EML4: variants seen among roughly 807,000 people sequenced by gnomAD.
EML4 encodes echinoderm microtubule-associated protein-like 4.
In EML4, 72 loss-of-function variants were observed where a neutral mutation model predicts 129.0. The observed-to-expected ratio is 0.56, with a 90% confidence interval of 0.46 to 0.68. The LOEUF is 0.68. EML4 is among the 30% of genes least tolerant of loss of function. EML4 has a pLI of 0.00. For synonymous variants in EML4, 532 were observed against 405.0 expected (o/e 1.31, Z -3.77); for missense variants, 1,363 against 1,190.6 (o/e 1.14, Z -2.13).
chr2:42,272,229 C>G (rs1374529729), intron 6 of EML4, among the ~76,000 whole-genome samples: 3 of 152,120 alleles, frequency 2.0e-5, no homozygotes, highest in African/African-American at 7.2e-5. Context: ...TGCGGTTGAT[C>G]AGTGGCATAT....
At chr2:42,277,219 T>C (rs565838817) in intron 6 of EML4, among the ~76,000 whole-genome samples, 2 of 152,326 alleles carry the variant, frequency 1.3e-5, no homozygotes, top group South Asian at 2.1e-4. Context: ...GGATGAGATA[T>C]CTGCCTTCAG....
intron 11 of EML4, 88 bp downstream of exon 11, chr2:42,288,410 T>A: frequency 1.7e-6 from 1 of 594,652 alleles, no homozygotes; most frequent in Non-Finnish European, 2.9e-6. Context: ...TAGAACTATC[T>A]ATTCGTAAGT....
chr2:42,215,271 G>T (rs1295786228), intron 1 of EML4, among the ~76,000 whole-genome samples: 1 of 152,076 alleles, frequency 6.6e-6, no homozygotes, highest in Non-Finnish European at 1.5e-5. Flanking sequence ...TATTGCTCAG[G>T]CTGGTCTTGA....
At chr2:42,225,135 A>G (rs1289135121) in intron 1 of EML4, among the ~76,000 whole-genome samples, 2 of 152,064 alleles carry the variant, frequency 1.3e-5, no homozygotes, top group East Asian at 3.9e-4. Flanking sequence ...TATATGCCAC[A>G]TTTTGTTTAT....
intron 1 of EML4, among the ~76,000 whole-genome samples, chr2:42,218,252 A>C (rs1259282331): frequency 6.6e-6 from 1 of 151,970 alleles, no homozygotes; most frequent in Non-Finnish European, 1.5e-5. Flanking sequence ...CCTTATGAGA[A>C]TCTAATGCCT....
intron 1 of EML4, among the ~76,000 whole-genome samples, chr2:42,194,381 A>G (rs368600270): frequency 1.6e-5 from 2 of 124,576 alleles, no homozygotes; most frequent in African/African-American, 3.0e-5. Context: ...AATTTATATC[A>G]TTGTTGACTT....
At chr2:42,262,963 T>C (rs1375387893) in intron 4 of EML4, among the ~76,000 whole-genome samples, 1 of 152,234 alleles carries the variant, frequency 6.6e-6, no homozygotes, top group East Asian at 1.9e-4. Context: ...TTTGTTCTAG[T>C]GAATCTTCTG....
intron 6 of EML4, among the ~76,000 whole-genome samples, chr2:42,275,418 T>C (rs17389408): frequency 0.12 from 17,673 of 152,166 alleles, 1,082 homozygotes; most frequent in Middle Eastern, 0.23. Context: ...TTCTAAGTAA[T>C]AGAATTTTGG....
intron 17 of EML4, among the ~76,000 whole-genome samples, chr2:42,310,035 CTTCA>C (rs1668846548): frequency 6.6e-6 from 1 of 152,118 alleles, no homozygotes; most frequent in South Asian, 2.1e-4. Context: ...AGGTGTCCAA[CTTCA>C]TTCTTTTGTA....
chr2:42,326,286 T>C (rs748228738), intron 21 of EML4, 34 bp downstream of exon 21: 5 of 1,458,932 alleles, frequency 3.4e-6, no homozygotes, highest in Non-Finnish European at 4.7e-6. Flanking sequence ...AAGAAGTGGT[T>C]TGTGGGTTTT....
At chr2:42,194,969 A>C (rs1671818154) in intron 1 of EML4, among the ~76,000 whole-genome samples, 1 of 152,188 alleles carries the variant, frequency 6.6e-6, no homozygotes, top group Non-Finnish European at 1.5e-5. Flanking sequence ...AACAAACAAC[A>C]TTGTTTGGCA....
At chr2:42,313,401 G>C (rs936519395) in intron 17 of EML4, among the ~76,000 whole-genome samples, 1 of 152,188 alleles carries the variant, frequency 6.6e-6, no homozygotes, top group South Asian at 2.1e-4. Flanking sequence ...ATTTGGCTCA[G>C]AATAAATCTC....
In EML4 at chr2:42,203,334, C is replaced by T. The variant is rs548581868; in HGVS notation, c.25+33698C>T. Among the ~76,000 whole-genome samples the T allele has an allele frequency of 8.5e-5, 13 of 152,226 alleles. No homozygotes were observed. The East Asian group carries it at 2.5e-3, about 29-fold the overall frequency. The stretch of plus-strand genomic sequence containing the variant: ...TAGTTTATCTTTCCATCTGTGGTAG[C>T]CCTTTTTTGTTTATCAGAGGATCTG... On this transcript the variant is annotated intron_variant, in intron 1 of 22. Coordinates refer to ENST00000318522, the MANE Select transcript of EML4 (RefSeq NM_019063.5).
chr2:42,202,946 T>C (rs1229628512), intron 1 of EML4, among the ~76,000 whole-genome samples: 1 of 152,120 alleles, frequency 6.6e-6, no homozygotes, highest in Non-Finnish European at 1.5e-5. Flanking sequence ...GAGGATTCCT[T>C]GAGCCCAGAA....
At chr2:42,185,138 G>A (rs1033904201) in intron 1 of EML4, among the ~76,000 whole-genome samples, 1 of 151,994 alleles carries the variant, frequency 6.6e-6, no homozygotes, top group Non-Finnish European at 1.5e-5. Flanking sequence ...AAACTGAGTT[G>A]AAGAGAGAGA....
chr2:42,287,116 A>C (rs1667349469), intron 10 of EML4, among the ~76,000 whole-genome samples: 1 of 152,176 alleles, frequency 6.6e-6, no homozygotes, highest in Admixed American at 6.5e-5. Context: ...TATTCATATT[A>C]TCTCTTCAGT....
At chr2:42,303,565 TA>T in intron 16 of EML4, 119 bp downstream of exon 16, 1 of 1,107,558 alleles carries the variant, frequency 9.0e-7, no homozygotes, top group Non-Finnish European at 1.3e-6. Context: ...ACATATGGTT[TA>T]GTAATAGAGG....
At chr2:42,243,995 CG>C (rs1429304204) in intron 1 of EML4, among the ~76,000 whole-genome samples, 1 of 107,514 alleles carries the variant, frequency 9.3e-6, no homozygotes, top group Non-Finnish European at 2.0e-5. Flanking sequence ...TGTAAGCCAA[CG>C]GTGTTTTTAA....
chr2:42,285,025 A>G (rs975065202), intron 9 of EML4, among the ~76,000 whole-genome samples: 3 of 151,974 alleles, frequency 2.0e-5, no homozygotes, highest in Non-Finnish European at 4.4e-5. Context: ...AAGGTACTGC[A>G]GTTTCCCTTA....
Sources: gnomAD v4.1 joint callset for allele counts (sites outside exome capture counted in the v4.1 genomes callset) on GRCh38, gnomAD v4.1.1 for gene constraint, MANE v1.5 for transcripts, NCBI Gene and HGNC (gene_info 2026-07-23, HGNC 2026-07-21) for gene names.